GLIPR1L1: variants seen among roughly 807,000 people sequenced by gnomAD.
The protein encoded by GLIPR1L1 is GLIPR1 like 1.
In GLIPR1L1, 26 loss-of-function variants were observed where a neutral mutation model predicts 29.9. The observed-to-expected ratio is 0.87, with a 90% CI of 0.64 to 1.21. The LOEUF (loss-of-function observed/expected upper bound fraction) is 1.21. Among genes scored for constraint, GLIPR1L1 ranks in the 50% most tolerant of loss-of-function variants. GLIPR1L1 has a pLI of 0.00. For missense variants in GLIPR1L1, 305 were observed against 290.3 expected, an observed-to-expected ratio of 1.05 and a Z score of -0.37; for synonymous variants, 77 against 97.5, an observed-to-expected ratio of 0.79 and a Z score of 1.24.
At chr12:75,351,693 C>T (rs990311540) in intron 3 of GLIPR1L1, among the ~76,000 whole-genome samples, 9 of 151,958 alleles carry the variant, frequency 5.9e-5, no homozygotes, top group African/African-American at 2.2e-4. Flanking sequence ...ATTAGAGGCG[C>T]TCCCCACCAC....
intron 3 of GLIPR1L1, among the ~76,000 whole-genome samples, chr12:75,348,060 A>G (rs2042572096): frequency 6.6e-6 from 1 of 152,168 alleles, no homozygotes; most frequent in African/African-American, 2.4e-5. Context: ...ATAATATAAA[A>G]TAAGTGGAAT....
intron 4 of GLIPR1L1, 58 bp from the exon 5 acceptor site, chr12:75,369,902 G>T (rs1342819580): frequency 2.3e-6 from 3 of 1,312,052 alleles, no homozygotes; most frequent in Non-Finnish European, 3.0e-6. Flanking sequence ...TAAAAGCAAA[G>T]AAATATGTTT....
At chr12:75,334,958 G>A (rs2041621676) in intron 1 of GLIPR1L1, 56 bp downstream of exon 1, 1 of 1,508,862 alleles carries the variant, frequency 6.6e-7, no homozygotes, top group Non-Finnish European at 9.0e-7. Flanking sequence ...GAGGTATCTG[G>A]GTGATAAATT....
intron 1 of GLIPR1L1, among the ~76,000 whole-genome samples, chr12:75,338,773 C>T (rs1182993914): frequency 6.6e-6 from 1 of 152,082 alleles, no homozygotes; most frequent in Non-Finnish European, 1.5e-5. Context: ...TGCCTACAGG[C>T]CCCAATGTGT....
At chr12:75,340,152 A>G (rs528157967) in intron 1 of GLIPR1L1, among the ~76,000 whole-genome samples, 2 of 149,758 alleles carry the variant, frequency 1.3e-5, no homozygotes, top group East Asian at 1.9e-4. Flanking sequence ...TATAAAATAT[A>G]TATGTATAAA....
rs755736970 is a variant in GLIPR1L1 at position 75,363,129 on chromosome 12, C to T, written c.549C>T (p.Tyr183=). 81 of 1,557,824 alleles carry T rather than the reference C, an allele frequency of 5.2e-5. No homozygotes were observed. The highest frequency in any genetic ancestry group is 6.6e-5 in the Non-Finnish European group (77 of 1,158,738). ...GAAATTTTGCAAATATGCCTCCTTA[C>T]GTAAGAGGAGAATCTTGCTCTCTCT... ...PAGNFANMPP[Y]VRGESCSLCS... The change falls in exon 4 of 6, where the codon TAC becomes TAT. Residue 183 remains tyrosine, a synonymous_variant. Coordinates refer to ENST00000378695, the MANE Select transcript of GLIPR1L1 (RefSeq NM_001304964.2).
At chr12:75,362,721 A>G (rs148930431) in intron 3 of GLIPR1L1, among the ~76,000 whole-genome samples, 45 of 152,318 alleles carry the variant, frequency 3.0e-4, no homozygotes, top group African/African-American at 9.6e-4. Flanking sequence ...GGACTATGAT[A>G]TTATACTTTA....
chr12:75,340,732 TAAA>T (rs540433596), intron 1 of GLIPR1L1, among the ~76,000 whole-genome samples: 1 of 122,794 alleles, frequency 8.1e-6, no homozygotes, highest in Non-Finnish European at 1.8e-5. Context: ...AACTCAACAG[TAAA>T]AAAAAAAAAG....
intron 4 of GLIPR1L1, among the ~76,000 whole-genome samples, chr12:75,364,510 C>T (rs1231052136): frequency 6.6e-6 from 1 of 152,186 alleles, no homozygotes; most frequent in Non-Finnish European, 1.5e-5. Flanking sequence ...AAACTTATAG[C>T]CAATTTAAAT....
intron 1 of GLIPR1L1, among the ~76,000 whole-genome samples, chr12:75,341,300 T>C (rs1242861883): frequency 1.3e-5 from 2 of 152,198 alleles, no homozygotes; most frequent in African/African-American, 2.4e-5. Flanking sequence ...ATCTATACCA[T>C]GGAATATGAC....
In GLIPR1L1 at chr12:75,349,368, CA is replaced by C. The variant is rs2042657088; in HGVS notation, c.521+1648del. Among the ~76,000 whole-genome samples, 4 of 152,186 alleles carry C rather than the reference CA, an allele frequency of 2.6e-5. No homozygotes were observed. The South Asian group carries it at 8.3e-4, about 32-fold the overall frequency. On this transcript the variant is annotated intron_variant, in intron 3 of 5. Coordinates refer to ENST00000378695, the MANE Select transcript of GLIPR1L1 (RefSeq NM_001304964.2). ...TAAGAAAAGAACAACATAACTTTAA[CA>C]ACAACAACAGCAAAAAAACTCAAGG... is the stretch of plus-strand genomic sequence containing the variant.
At chr12:75,335,159 T>C (rs111377788) in intron 1 of GLIPR1L1, among the ~76,000 whole-genome samples, 1,633 of 152,312 alleles carry the variant, frequency 0.011, 20 homozygotes, top group African/African-American at 0.032. Context: ...AGTTGCTTTG[T>C]TGCACCACTA....
chr12:75,351,933 T>C (rs1207828421), intron 3 of GLIPR1L1, among the ~76,000 whole-genome samples: 1 of 151,938 alleles, frequency 6.6e-6, no homozygotes, highest in East Asian at 1.9e-4. Flanking sequence ...AGAAATGAGA[T>C]TTTTTTTCAG....
At position 75,347,787 on chromosome 12, in the gene GLIPR1L1, A is replaced by C. The variant is rs2042554626; in HGVS notation, c.521+65A>C. 8 of 1,010,124 alleles carry C rather than the reference A, an allele frequency of 7.9e-6. No individual in the cohort carries two copies. The South Asian group carries it at 1.1e-4, about 14-fold the overall frequency. The allele number at this position is 1,010,124 out of a possible 1,614,324, so 62.6% of individuals were successfully genotyped here. On this transcript the variant is annotated intron_variant, in intron 3 of 5. Coordinates refer to ENST00000378695, the MANE Select transcript of GLIPR1L1 (RefSeq NM_001304964.2). ...ATGTTGATGATGGTTGCCAAATAAG[A>C]GGACCTTATACTAGACACAAGTGTA...
rs2044283716 is a variant in GLIPR1L1 at position 75,370,392 on chromosome 12, C to A, written c.*216C>A. On this transcript the variant is annotated 3_prime_UTR_variant, in exon 6 of 6. Transcript: ENST00000378695. ...TTAAGATTATTTTTTAATTACAAAT[C>A]CATATGTGTATCAAAAGTGTTCCAC... 2 of 390,518 alleles carry A rather than the reference C, an allele frequency of 5.1e-6. No homozygotes were observed. The highest frequency in any genetic ancestry group is 9.3e-6 in the Non-Finnish European group (2 of 216,208). The allele number at this position is 390,518 out of a possible 1,614,324, so 24.2% of individuals were successfully genotyped here. A position where few individuals can be genotyped will look rare whatever the true frequency, so the allele number is the denominator to read the frequency against.
intron 3 of GLIPR1L1, among the ~76,000 whole-genome samples, chr12:75,359,355 G>GTTTT (rs1463566931): frequency 2.8e-4 from 13 of 46,422 alleles, no homozygotes; most frequent in Non-Finnish European, 4.2e-4. Flanking sequence ...CAGCATTGTT[G>GTTTT]TCTTTTTTTT....
chr12:75,351,244 T>A (rs563034281), intron 3 of GLIPR1L1, among the ~76,000 whole-genome samples: 1 of 152,294 alleles, frequency 6.6e-6, no homozygotes, highest in Non-Finnish European at 1.5e-5. Flanking sequence ...GAGAAAGAAC[T>A]GAGTTGGAAA....
chr12:75,368,570 A>C (rs959770200), intron 4 of GLIPR1L1, among the ~76,000 whole-genome samples: 5 of 151,128 alleles, frequency 3.3e-5, no homozygotes, highest in Non-Finnish European at 5.9e-5. Context: ...GGTTTCCTTA[A>C]GAGATGGCTA....
chr12:75,370,319 C>A lies in GLIPR1L1; in HGVS notation c.*143C>A. 1.8e-6 allele frequency: 1 copy of A among 551,516 alleles called. No individual in the cohort carries two copies. Among genetic ancestry groups the A allele is most frequent in the Non-Finnish European group, 3.2e-6 (1 of 310,206 alleles). The allele number at this position is 551,516 out of a possible 1,614,324, so 34.2% of individuals were successfully genotyped here. A position where few individuals can be genotyped will look rare whatever the true frequency, so the allele number is the denominator to read the frequency against. On this transcript the variant is annotated 3_prime_UTR_variant, in exon 6 of 6. Coordinates refer to ENST00000378695, the MANE Select transcript of GLIPR1L1 (RefSeq NM_001304964.2). ...CTAAATTTAATGTTTGTTTTTAACT[C>A]AAAAAATGTACTGTAGTATGGAAAA...
Sources: gnomAD v4.1 joint callset for allele counts (sites outside exome capture counted in the v4.1 genomes callset) on GRCh38, gnomAD v4.1.1 for gene constraint, MANE v1.5 for transcripts, NCBI Gene and HGNC (gene_info 2026-07-23, HGNC 2026-07-21) for gene names.